The following SOX5 variants were observed in gnomAD, a reference collection of about 807,000 sequenced individuals.
The protein encoded by SOX5 is SRY-box transcription factor 5.
SOX5 carries 9 observed loss-of-function variants against 92.0 expected under a neutral mutation model. The ratio of observed to expected loss-of-function variants is 0.10; its 90% CI spans 0.06 to 0.17. The LOEUF is 0.17. Among genes scored for constraint, SOX5 ranks in the 10% least tolerant of loss-of-function variants. The pLI is 1.00. For missense variants in SOX5, 642 were observed against 944.5 expected, an observed-to-expected ratio of 0.68 and a Z score of 4.20; for synonymous variants, 344 against 336.3, an observed-to-expected ratio of 1.02 and a Z score of -0.25.
chr12:23,826,263 G>C (rs2096232225), intron 3 of SOX5, among the ~76,000 whole-genome samples: 3 of 150,384 alleles, frequency 2.0e-5, no homozygotes, highest in African/African-American at 7.4e-5. Flanking sequence ...CTATGAGTGA[G>C]ATCATGTGGT....
intron 9 of SOX5, among the ~76,000 whole-genome samples, chr12:23,585,942 C>A (rs1270379705): frequency 6.6e-6 from 1 of 152,066 alleles, no homozygotes; most frequent in African/African-American, 2.4e-5. Flanking sequence ...AATGGCACAC[C>A]TGACACCTGG....
chr12:24,323,173 T>C (rs1015056929), intron 2 of SOX5, among the ~76,000 whole-genome samples: 11 of 152,010 alleles, frequency 7.2e-5, no homozygotes, highest in African/African-American at 2.4e-4. Flanking sequence ...AGCCTTAAAA[T>C]GATTTTGATG....
At chr12:24,250,004 T>C (rs1451916855) in intron 3 of SOX5, among the ~76,000 whole-genome samples, 4 of 152,270 alleles carry the variant, frequency 2.6e-5, no homozygotes, top group East Asian at 3.9e-4. Context: ...TATCTTCACA[T>C]TGAGCCTCAC....
intron 1 of SOX5, chr12:23,920,200 C>T (rs1292406722): frequency 6.6e-6 from 1 of 152,026 alleles, no homozygotes; most frequent in African/African-American, 2.4e-5. Flanking sequence ...AGAAATTTCC[C>T]AATACAACTA....
chr12:23,685,581 C>A (rs942868863), intron 6 of SOX5, among the ~76,000 whole-genome samples: 1 of 152,104 alleles, frequency 6.6e-6, no homozygotes, highest in South Asian at 2.1e-4. Flanking sequence ...CTAGTAAGAA[C>A]CTTACATGGT....
chr12:24,457,596 T>A (rs1273313974), intron 1 of SOX5, among the ~76,000 whole-genome samples: 1 of 152,220 alleles, frequency 6.6e-6, no homozygotes, highest in African/African-American at 2.4e-5. Context: ...TGTAGTTTTA[T>A]GAGCACCAAT....
intron 4 of SOX5, among the ~76,000 whole-genome samples, chr12:23,959,683 C>G (rs1569270607): frequency 6.6e-6 from 1 of 151,952 alleles, no homozygotes; most frequent in Non-Finnish European, 1.5e-5. Flanking sequence ...TCTTTGAAAT[C>G]AATGAGAAAA....
intron 1 of SOX5, among the ~76,000 whole-genome samples, chr12:24,428,787 T>G (rs1396714736): frequency 6.8e-6 from 1 of 146,216 alleles, no homozygotes; most frequent in Non-Finnish European, 1.5e-5. Flanking sequence ...GTTATAGGTC[T>G]TATAAGTTCA....
At chr12:23,891,208 C>A (rs1337593404) in intron 2 of SOX5, among the ~76,000 whole-genome samples, 1 of 152,158 alleles carries the variant, frequency 6.6e-6, no homozygotes, top group African/African-American at 2.4e-5. Context: ...CCACTTACAG[C>A]TGTTTGTAAG....
chr12:24,382,086 G>A (rs1307784071), intron 1 of SOX5, among the ~76,000 whole-genome samples: 1 of 152,134 alleles, frequency 6.6e-6, no homozygotes, highest in Non-Finnish European at 1.5e-5. Flanking sequence ...CCCTCACGCA[G>A]CTAATATTCT....
At chr12:24,390,061 G>C (rs1958831920) in intron 1 of SOX5, among the ~76,000 whole-genome samples, 1 of 152,088 alleles carries the variant, frequency 6.6e-6, no homozygotes, top group Non-Finnish European at 1.5e-5. Context: ...ACTCAAAGGT[G>C]ATACTTTTTT....
rs919509832 is a variant in SOX5, at chr12:24,499,209, A to G, written c.-251+63120T>C. Among the ~76,000 whole-genome samples the G allele has an allele frequency of 4.6e-5, 7 of 152,174 alleles. No homozygotes were observed. In the South Asian group the frequency reaches 6.2e-4, roughly 14 times the overall value. On this transcript the variant is annotated intron_variant, in intron 1 of 4. Transcript: ENST00000446891. ...CAGAGGGCATGGCCCGTGAAACCAG[A>G]TGTTCATTTTTGTGTCCATCCCCAT... is the stretch of plus-strand genomic sequence containing the variant.
chr12:24,502,972 A>G (rs950430431), intron 1 of SOX5, among the ~76,000 whole-genome samples: 1 of 152,256 alleles, frequency 6.6e-6, no homozygotes, highest in Non-Finnish European at 1.5e-5. Flanking sequence ...CATGAAAAAC[A>G]GGGAAAGCTG....
At chr12:24,095,124 C>G (rs61910057) in intron 4 of SOX5, among the ~76,000 whole-genome samples, 30,113 of 99,836 alleles carry the variant, frequency 0.3, 4,089 homozygotes, top group East Asian at 0.6. Context: ...CACACACACA[C>G]ACACAGAGAG....
intron 8 of SOX5, among the ~76,000 whole-genome samples, chr12:23,633,223 G>A (rs1271950396): frequency 6.6e-6 from 1 of 151,912 alleles, no homozygotes; most frequent in Non-Finnish European, 1.5e-5. Flanking sequence ...TCTTAGAAGT[G>A]TAGCAAAAAA....
Position 23,532,498 on chromosome 12 carries a change from A to G in SOX5, c.*1721T>C, listed in dbSNP as rs1425617610. ...TTTTGCATTTATTTGTACAGGCCCT[A>G]CAACTGCCTTGGCATTTGGCTGGCA... On this transcript the variant is annotated 3_prime_UTR_variant, in exon 15 of 15. Coordinates refer to ENST00000451604, the MANE Select transcript of SOX5 (RefSeq NM_006940.6). The G allele has an allele frequency of 6.6e-6, 1 of 152,252 alleles. No individual in the cohort carries two copies. Among genetic ancestry groups the G allele is most frequent in the Admixed American group, 6.5e-5 (1 of 15,280 alleles). The allele number at this position is 152,252 out of a possible 1,614,324, so 9.4% of individuals were successfully genotyped here.
chr12:23,576,127 T>C (rs555959360), intron 9 of SOX5, among the ~76,000 whole-genome samples: 5 of 152,358 alleles, frequency 3.3e-5, no homozygotes, highest in Non-Finnish European at 7.4e-5. Flanking sequence ...AGCTACTCTT[T>C]GTGCTATATT....
At position 24,280,831 on chromosome 12, in the gene SOX5, G is replaced by GT. The variant is rs35402540; in HGVS notation, c.-173-3520dup. Among the ~76,000 whole-genome samples, 459 of 146,302 alleles carry GT rather than the reference G, an allele frequency of 3.1e-3. 2 individuals carry two copies. The highest frequency in any genetic ancestry group is 0.014 in the Middle Eastern group (4 of 284). The stretch of plus-strand genomic sequence containing the variant: ...TTCTTATCATTTACAAAGTATTAAG[G>GT]TTTTTTTTTTTAGCATAATACATTG... On this transcript the variant is annotated intron_variant, in intron 2 of 4. Transcript: ENST00000446891.
chr12:24,397,531 A>AC (rs1344274289), intron 1 of SOX5, among the ~76,000 whole-genome samples: 1 of 152,176 alleles, frequency 6.6e-6, no homozygotes, highest in African/African-American at 2.4e-5. Flanking sequence ...AGTGACCCTT[A>AC]CCTTTATGGT....
Sources: allele counts gnomAD v4.1 joint callset (sites outside exome capture counted in the v4.1 genomes callset), GRCh38; gene constraint gnomAD v4.1.1; transcripts MANE v1.5; gene names NCBI Gene and HGNC (gene_info 2026-07-23, HGNC 2026-07-21).